Variants in EML5 observed in about 807,000 individuals in gnomAD.
The protein encoded by EML5 is EMAP like 5, also known as echinoderm microtubule-associated protein-like 5.
A neutral mutation model predicts 250.0 loss-of-function variants in EML5; 120 were observed. The observed-to-expected ratio is 0.48, with a 90% CI of 0.41 to 0.56. The LOEUF (loss-of-function observed/expected upper bound fraction) is 0.56, where lower values mean the gene tolerates loss of function less well. EML5 is among the 20% of genes least tolerant of loss of function. The pLI is 0.00. For missense variants in EML5, 2,006 were observed against 2,437.6 expected, an observed-to-expected ratio of 0.82 and a Z score of 3.73; for synonymous variants, 771 against 806.5, an observed-to-expected ratio of 0.96 and a Z score of 0.75.
intron 8 of EML5, among the ~76,000 whole-genome samples, chr14:88,723,839 G>T (rs1214256972): frequency 6.6e-6 from 1 of 152,094 alleles, no homozygotes; most frequent in Non-Finnish European, 1.5e-5. Context: ...ATGAAGAAAA[G>T]ATAAGTTTTA....
chr14:88,687,066 G>A (rs2092849368), intron 19 of EML5, 150 bp downstream of exon 19: 1 of 605,410 alleles, frequency 1.7e-6, no homozygotes, highest in South Asian at 2.3e-5. Flanking sequence ...CAATGATTCT[G>A]GTATCCAGTT....
At chr14:88,750,165 A>T (rs2094071030) in intron 2 of EML5, among the ~76,000 whole-genome samples, 1 of 152,148 alleles carries the variant, frequency 6.6e-6, no homozygotes, top group African/African-American at 2.4e-5. Context: ...GGTTTGGAGC[A>T]CAGATTCTGG....
chr14:88,616,826 TCAG>T lies in EML5; in HGVS notation c.5693_5695del (p.Ala1898del). 6.2e-7 allele frequency: 1 copy of T among 1,613,944 alleles called. No homozygotes were observed. The highest frequency in any genetic ancestry group is 8.5e-7 in the Non-Finnish European group (1 of 1,179,850). ...ATGAGATACACAGGCACAGTTGACA[TCAG>T]CTTTCTCAGCATGTCTGGACCAGAT... On this transcript the variant is annotated inframe_deletion, in exon 42 of 44. Coordinates refer to ENST00000554922, the MANE Select transcript of EML5 (RefSeq NM_183387.3).
intron 1 of EML5, among the ~76,000 whole-genome samples, chr14:88,761,966 C>G (rs890774116): frequency 6.6e-6 from 1 of 152,050 alleles, no homozygotes; most frequent in African/African-American, 2.4e-5. Flanking sequence ...TTTTCATATG[C>G]TTGTTGTCTG....
At chr14:88,783,157 G>T (rs761622402) in intron 1 of EML5, among the ~76,000 whole-genome samples, 3 of 152,214 alleles carry the variant, frequency 2.0e-5, no homozygotes, top group African/African-American at 7.2e-5. Context: ...TTGCAGGGGC[G>T]GAGCCCTCAT....
chr14:88,624,889 A>G, intron 36 of EML5, 81 bp downstream of exon 36: 1 of 1,513,186 alleles, frequency 6.6e-7, no homozygotes, highest in Non-Finnish European at 8.9e-7. Flanking sequence ...TGTGTAGCCT[A>G]GAAACAACTA....
At chr14:88,775,135 T>A (rs2094434653) in intron 1 of EML5, among the ~76,000 whole-genome samples, 1 of 151,606 alleles carries the variant, frequency 6.6e-6, no homozygotes, top group Non-Finnish European at 1.5e-5. Flanking sequence ...GTCAAGGGCC[T>A]TAAGTGAGCC....
chr14:88,621,191 T>C lies in EML5; in HGVS notation c.5124A>G (p.Leu1708=), dbSNP rs953211705. 6.2e-7 allele frequency: 1 copy of C among 1,613,896 alleles called. No homozygotes were observed. The highest frequency in any genetic ancestry group is 1.3e-5 in the African/African-American group (1 of 74,930). ...AAAAATCCCTGGAAGGATGTGTTGC[T>C]AGTCCCCAGATTGGCCCATCCACAT... ...NGHVDGPIWG[L]ATHPSRDFFL... Residue 1708 remains leucine (L), a synonymous_variant, in exon 38 of 44, where the codon CTA becomes CTG. Transcript: ENST00000554922.
In EML5 at chr14:88,626,893, A is replaced by G; in HGVS notation, c.4685T>C (p.Leu1562Pro). Reference protein sequence around the residue: ...GRALLSKKGLLSTLEDARMQT... With the variant: ...GRALLSKKGLPSTLEDARMQT... Reference sequence around the variant, plus strand: ...CATCCGGGCATCTTCCAGTGTGCTCAGTAGCCCTTTTTTGCTAAGAAGAGC... The same window carrying G: ...CATCCGGGCATCTTCCAGTGTGCTCGGTAGCCCTTTTTTGCTAAGAAGAGC... The change falls in exon 35 of 44, where the codon CTG (leucine) becomes CCG (proline). Residue 1562 changes from leucine (L) to proline (P), a missense_variant. Physicochemically the swap from Leu to Pro is moderately conservative, Grantham distance 98. Transcript: ENST00000554922. 3.7e-6 allele frequency: 6 copies of G among 1,614,020 alleles called. No homozygotes were observed. Among genetic ancestry groups the G allele is most frequent in the Non-Finnish European group, 5.1e-6 (6 of 1,179,882 alleles).
intron 37 of EML5, 95 bp from the exon 38 acceptor site, chr14:88,621,396 G>T (rs764905194): frequency 2.7e-6 from 4 of 1,502,798 alleles, no homozygotes; most frequent in Admixed American, 1.8e-5. Context: ...TGCTTTCAGA[G>T]AACTTTTTGC....
intron 14 of EML5, 76 bp downstream of exon 14, chr14:88,702,370 G>C (rs2093231231): frequency 1.8e-6 from 2 of 1,119,370 alleles, no homozygotes; most frequent in South Asian, 2.0e-5. Flanking sequence ...GAACATAAAA[G>C]AGATATGTGA....
intron 20 of EML5, among the ~76,000 whole-genome samples, chr14:88,682,956 T>C (rs985405847): frequency 6.6e-6 from 1 of 152,218 alleles, no homozygotes; most frequent in Non-Finnish European, 1.5e-5. Context: ...AGATTCTGCC[T>C]GGAGGGAGAG....
At chr14:88,745,063 T>C (rs2093983701) in intron 3 of EML5, among the ~76,000 whole-genome samples, 1 of 152,098 alleles carries the variant, frequency 6.6e-6, no homozygotes. Context: ...TTTATATAAA[T>C]TCCAAATAGT....
At chr14:88,662,919 T>C in intron 24 of EML5, 112 bp downstream of exon 24, 3 of 719,526 alleles carry the variant, frequency 4.2e-6, no homozygotes, top group Non-Finnish European at 6.6e-6. Flanking sequence ...ATCCAATATT[T>C]TAATAATTTG....
chr14:88,781,265 G>A (rs1048938034), intron 1 of EML5, among the ~76,000 whole-genome samples: 3 of 152,196 alleles, frequency 2.0e-5, no homozygotes, highest in African/African-American at 7.2e-5. Flanking sequence ...CTAAGAAATT[G>A]TGATAGGCTC....
chr14:88,780,697 T>C (rs2094489812), intron 1 of EML5, among the ~76,000 whole-genome samples: 1 of 152,142 alleles, frequency 6.6e-6, no homozygotes, highest in Admixed American at 6.5e-5. Context: ...TGCCTCAGAC[T>C]CCCAAGTACC....
chr14:88,784,036 T>C (rs1163905164), intron 1 of EML5, among the ~76,000 whole-genome samples: 2 of 152,182 alleles, frequency 1.3e-5, no homozygotes, highest in Non-Finnish European at 2.9e-5. Context: ...TTAAACAATA[T>C]GCTCATGAAT....
At chr14:88,680,014 G>C (rs1322648218) in intron 21 of EML5, among the ~76,000 whole-genome samples, 1 of 152,010 alleles carries the variant, frequency 6.6e-6, no homozygotes, top group Non-Finnish European at 1.5e-5. Context: ...AGAAACATCA[G>C]TTATTTTATT....
chr14:88,778,463 G>T (rs1660886561), intron 1 of EML5, among the ~76,000 whole-genome samples: 1 of 152,172 alleles, frequency 6.6e-6, no homozygotes, highest in African/African-American at 2.4e-5. Context: ...TTCTGTTTCT[G>T]GACATAGAAC....
Sources: gnomAD v4.1 joint callset for allele counts (sites outside exome capture counted in the v4.1 genomes callset) on GRCh38, gnomAD v4.1.1 for gene constraint, MANE v1.5 for transcripts, NCBI Gene and HGNC (gene_info 2026-07-23, HGNC 2026-07-21) for gene names.